OR1J2: variants seen among roughly 807,000 people sequenced by gnomAD.
OR1J2 encodes olfactory receptor 1J2.
For missense variants in OR1J2, 304 were observed against 246.1 expected, an observed-to-expected ratio of 1.24 and a Z score of -1.57; for synonymous variants, 142 against 99.7, an observed-to-expected ratio of 1.42 and a Z score of -2.52.
At chr9:122,454,380 C>T in the OR1J2 span, among the ~76,000 whole-genome samples, 7 of 151,968 alleles carry the variant, frequency 4.6e-5, no homozygotes, top group East Asian at 1.9e-4. Context: ...TAGTCAGGTG[C>T]GGTGGCATCT....
At chr9:122,485,169 A>G in the OR1J2 span, among the ~76,000 whole-genome samples, 6 of 152,162 alleles carry the variant, frequency 3.9e-5, no homozygotes. Context: ...AACTTAATCT[A>G]GTAGGTGAAA....
the OR1J2 span, among the ~76,000 whole-genome samples, chr9:122,534,654 G>C: frequency 6.6e-6 from 1 of 152,020 alleles, no homozygotes; most frequent in South Asian, 2.1e-4. Context: ...GACCTAGCTC[G>C]GCCTGGCGAG....
the OR1J2 span, chr9:122,475,571 C>G: frequency 1.3e-5 from 2 of 152,152 alleles, no homozygotes; most frequent in African/African-American, 4.8e-5. Context: ...GCTCTCAGCT[C>G]TTTTTAGATC....
the OR1J2 span, among the ~76,000 whole-genome samples, chr9:122,482,732 T>G: frequency 2.6e-5 from 4 of 152,106 alleles, no homozygotes; most frequent in African/African-American, 9.7e-5. Context: ...CTGGAGGACA[T>G]TACGTTAAGT....
At chr9:122,571,266 T>C in the OR1J2 span, among the ~76,000 whole-genome samples, 6 of 152,106 alleles carry the variant, frequency 3.9e-5, no homozygotes, top group Non-Finnish European at 7.4e-5. Context: ...AAACTGGCCA[T>C]GCATGCCGGG....
chr9:122,518,443 G>A, the OR1J2 span, among the ~76,000 whole-genome samples: 1 of 152,212 alleles, frequency 6.6e-6, no homozygotes, highest in South Asian at 2.1e-4. Context: ...GCAGATGGCT[G>A]CCTTCCTGCT....
the OR1J2 span, among the ~76,000 whole-genome samples, chr9:122,456,092 G>A: frequency 1.7e-3 from 260 of 151,974 alleles, no homozygotes; most frequent in African/African-American, 4.9e-3. Flanking sequence ...TTTTTATGAC[G>A]GCAGTTTTGT....
At chr9:122,512,713 G>A (rs757620381), downstream of OR1J2, among the ~76,000 whole-genome samples, 7 of 151,966 alleles carry the variant, frequency 4.6e-5, no homozygotes, top group East Asian at 3.9e-4. Context: ...GTATCATCAC[G>A]CCAACCTATA....
the OR1J2 span, among the ~76,000 whole-genome samples, chr9:122,568,916 C>A: frequency 6.6e-6 from 1 of 151,922 alleles, no homozygotes; most frequent in Non-Finnish European, 1.5e-5. Context: ...ATTTTATGAA[C>A]AAAATAAAAT....
chr9:122,541,519 T>C, the OR1J2 span, among the ~76,000 whole-genome samples: 2 of 152,240 alleles, frequency 1.3e-5, no homozygotes, highest in South Asian at 4.1e-4. Context: ...AGTTTGGGTC[T>C]TGGGGTGGCC....
chr9:122,503,423 C>G, the OR1J2 span, among the ~76,000 whole-genome samples: 1 of 152,212 alleles, frequency 6.6e-6, no homozygotes, highest in African/African-American at 2.4e-5. Context: ...CTAGTTCATC[C>G]ATGGTGAGAG....
the OR1J2 span, among the ~76,000 whole-genome samples, chr9:122,550,088 T>C: frequency 1.3e-5 from 2 of 152,122 alleles, no homozygotes; most frequent in Admixed American, 1.3e-4. Context: ...CTTGGTTACA[T>C]ATAATCCTAG....
chr9:122,548,050 A>T, the OR1J2 span, among the ~76,000 whole-genome samples: 1 of 152,184 alleles, frequency 6.6e-6, no homozygotes, highest in Non-Finnish European at 1.5e-5. Context: ...AGTGATGTTG[A>T]GCATTTTCCT....
At chr9:122,504,273 A>G in the OR1J2 span, among the ~76,000 whole-genome samples, 1 of 152,106 alleles carries the variant, frequency 6.6e-6, no homozygotes, top group Middle Eastern at 3.4e-3. Context: ...CTGCTTTGCA[A>G]CTCTTCTATT....
At chr9:122,499,300 AG>A in the OR1J2 span, among the ~76,000 whole-genome samples, 1 of 152,228 alleles carries the variant, frequency 6.6e-6, no homozygotes, top group Non-Finnish European at 1.5e-5. Flanking sequence ...GCATGGGGAC[AG>A]GGGGCTGCCT....
At chr9:122,515,870 A>C (rs1828693839), downstream of OR1J2, among the ~76,000 whole-genome samples, 1 of 150,910 alleles carries the variant, frequency 6.6e-6, no homozygotes, top group Admixed American at 6.6e-5. Flanking sequence ...CAGAGGCAGC[A>C]AACTTTGAGC....
chr9:122,529,119 A>G, the OR1J2 span, among the ~76,000 whole-genome samples: 1 of 152,230 alleles, frequency 6.6e-6, no homozygotes, highest in African/African-American at 2.4e-5. Context: ...ACTGAAGAAC[A>G]TCTCAGGGTT....
At chr9:122,529,483 C>T in the OR1J2 span, among the ~76,000 whole-genome samples, 6 of 152,296 alleles carry the variant, frequency 3.9e-5, no homozygotes, top group Non-Finnish European at 7.4e-5. Flanking sequence ...TGATCTAGGG[C>T]ACCAACTGCT....
At chr9:122,519,944 T>G in the OR1J2 span, 1 of 1,614,166 alleles carries the variant, frequency 6.2e-7, no homozygotes, top group East Asian at 2.2e-5. Flanking sequence ...GTGCCTCCAG[T>G]GACAAGGACG....
Sources: allele counts gnomAD v4.1 joint callset (sites outside exome capture counted in the v4.1 genomes callset), GRCh38; gene constraint gnomAD v4.1.1; transcripts MANE v1.5; gene names NCBI Gene and HGNC (gene_info 2026-07-23, HGNC 2026-07-21).